Variants in TBC1D30 observed in about 807,000 individuals in gnomAD.
TBC1D30 encodes TBC1 domain family, member 30.
A neutral mutation model predicts 63.2 loss-of-function variants in TBC1D30; 31 were observed. The ratio of observed to expected loss-of-function variants is 0.49; its 90% CI spans 0.37 to 0.66. TBC1D30 has a LOEUF of 0.66. Among genes scored for constraint, TBC1D30 ranks in the 30% least tolerant of loss-of-function variants. The pLI, the probability that TBC1D30 is intolerant of heterozygous loss-of-function variation, is 0.00. For missense variants in TBC1D30, 810 were observed against 953.6 expected (o/e 0.85, Z 1.98); for synonymous variants, 307 against 361.5 (o/e 0.85, Z 1.71).
chr12:64,771,705 C>G (rs546408960), intron 1 of TBC1D30, among the ~76,000 whole-genome samples: 1 of 152,272 alleles, frequency 6.6e-6, no homozygotes, highest in African/African-American at 2.4e-5. Flanking sequence ...TGGATGATAG[C>G]TGCAATCACT....
chr12:64,873,642 A>G (rs1156971141), intron 11 of TBC1D30, among the ~76,000 whole-genome samples: 1 of 152,178 alleles, frequency 6.6e-6, no homozygotes, highest in African/African-American at 2.4e-5. Context: ...CCTGAGAGCT[A>G]GAAGAGCCAA....
At chr12:64,784,293 CAG>C (rs1250149501) in intron 1 of TBC1D30, among the ~76,000 whole-genome samples, 1 of 152,052 alleles carries the variant, frequency 6.6e-6, no homozygotes, top group Non-Finnish European at 1.5e-5. Context: ...AAAAATCACT[CAG>C]AGAGTTGGCT....
intron 8 of TBC1D30, among the ~76,000 whole-genome samples, chr12:64,856,745 A>G (rs372166142): frequency 1.3e-5 from 2 of 152,064 alleles, no homozygotes; most frequent in South Asian, 2.1e-4. Flanking sequence ...TTGGAGTTAA[A>G]AACCTTAGAA....
At chr12:64,834,580 T>G (rs1467953915) in intron 5 of TBC1D30, among the ~76,000 whole-genome samples, 1 of 151,848 alleles carries the variant, frequency 6.6e-6, no homozygotes, top group Non-Finnish European at 1.5e-5. Flanking sequence ...CAAATTTTTA[T>G]ATTTTTAGTA....
chr12:64,858,840 C>T (rs1486853746), intron 8 of TBC1D30, among the ~76,000 whole-genome samples: 2 of 152,072 alleles, frequency 1.3e-5, no homozygotes, highest in African/African-American at 4.8e-5. Context: ...TCCTAGAGCA[C>T]AGTGTGGGGA....
chr12:64,771,932 G>C (rs74234977), intron 1 of TBC1D30, among the ~76,000 whole-genome samples: 2 of 152,098 alleles, frequency 1.3e-5, no homozygotes, highest in Admixed American at 6.6e-5. Context: ...GAGGTCTGGG[G>C]TTGTGGCACG....
At chr12:64,854,859 A>G (rs1030449917) in intron 8 of TBC1D30, among the ~76,000 whole-genome samples, 1 of 152,050 alleles carries the variant, frequency 6.6e-6, no homozygotes, top group African/African-American at 2.4e-5. Context: ...GTTATCCTAA[A>G]TTTGTGTTTT....
At chr12:64,856,225 C>T (rs1028722990) in intron 8 of TBC1D30, among the ~76,000 whole-genome samples, 2 of 152,142 alleles carry the variant, frequency 1.3e-5, no homozygotes, top group African/African-American at 4.8e-5. Context: ...GAACTCAGAG[C>T]AAGAGCTCAC....
rs1211801858 is a variant in TBC1D30 at position 64,879,644 on chromosome 12, A to G, written c.*3856A>G. The G allele has an allele frequency of 1.3e-5, 2 of 152,212 alleles. No individual in the cohort carries two copies. Among genetic ancestry groups the G allele is most frequent in the Non-Finnish European group, 2.9e-5 (2 of 68,044 alleles). 9.4% of individuals were successfully genotyped at this position (152,212 alleles called of 1,614,324 possible). A position where few individuals can be genotyped will look rare whatever the true frequency, so the allele number is the denominator to read the frequency against. ...TTAGAAGCAGTGATAATGAACACTC[A>G]TAACACCCATACCTCATTCCTGACT... On this transcript the variant is annotated 3_prime_UTR_variant, in exon 12 of 12. Coordinates refer to ENST00000539867, the MANE Select transcript of TBC1D30 (RefSeq NM_015279.2).
intron 2 of TBC1D30, among the ~76,000 whole-genome samples, chr12:64,810,210 A>G (rs1873126360): frequency 6.6e-6 from 1 of 152,140 alleles, no homozygotes; most frequent in African/African-American, 2.4e-5. Context: ...AACAGCCCAT[A>G]TTGGTGGGGG....
In TBC1D30 at chr12:64,784,640, A is replaced by C. The variant is rs570213065; in HGVS notation, c.479-1241A>C. Among the ~76,000 whole-genome samples, 82 of 151,510 alleles carry C rather than the reference A, an allele frequency of 5.4e-4. 1 individual carries two copies. The South Asian group carries it at 0.016, about 30-fold the overall frequency. ...AAAAAAAACCTCCTCCCAAATCGTA[A>C]TGATCATTTATATAAAGACAGTAGA... is the stretch of plus-strand genomic sequence containing the variant. On this transcript the variant is annotated intron_variant, in intron 1 of 12. Transcript: ENST00000542120.
chr12:64,824,792 C>A lies in TBC1D30; in HGVS notation c.-88C>A. 3 of 1,471,602 alleles carry A rather than the reference C, an allele frequency of 2.0e-6. No homozygotes were observed. The highest frequency in any genetic ancestry group is 1.8e-6 in the Non-Finnish European group (2 of 1,109,732). The allele number at this position is 1,471,602 out of a possible 1,614,324, so 91.2% of individuals were successfully genotyped here. ...CGGGCCGGTCAGCCGCAGACACTCACCCAGCTCCGCGAGCTCAGCCGCTCA... is the reference window on the plus strand; with the variant it reads ...CGGGCCGGTCAGCCGCAGACACTCAACCAGCTCCGCGAGCTCAGCCGCTCA... On this transcript the variant is annotated 5_prime_UTR_variant, in exon 1 of 12. Transcript: ENST00000539867.
intron 1 of TBC1D30, among the ~76,000 whole-genome samples, chr12:64,765,422 G>A (rs536360471): frequency 2.9e-3 from 409 of 141,768 alleles, no homozygotes; most frequent in African/African-American, 0.01. Flanking sequence ...CCGGGAGGTG[G>A]AGGTTGAAGT....
chr12:64,795,635 A>G (rs1009591612), intron 2 of TBC1D30, among the ~76,000 whole-genome samples: 1 of 151,094 alleles, frequency 6.6e-6, no homozygotes, highest in Non-Finnish European at 1.5e-5. Context: ...TTGGCTTTCT[A>G]GGATCCTCTG....
chr12:64,804,696 G>A (rs1754472983), intron 2 of TBC1D30, among the ~76,000 whole-genome samples: 1 of 152,140 alleles, frequency 6.6e-6, no homozygotes, highest in Non-Finnish European at 1.5e-5. Flanking sequence ...GTGGGAAAGG[G>A]GCACAAAATT....
intron 2 of TBC1D30, among the ~76,000 whole-genome samples, chr12:64,797,611 A>G (rs941510650): frequency 6.6e-6 from 1 of 151,962 alleles, no homozygotes; most frequent in Non-Finnish European, 1.5e-5. Flanking sequence ...ACAACCAGCA[A>G]TCCTATGATA....
rs1200673199 is a variant in TBC1D30, at chr12:64,795,704, CT to C, written c.643+9674del. Among the ~76,000 whole-genome samples the C allele has an allele frequency of 3.8e-3, 508 of 133,082 alleles. 6 individuals are homozygous for C. The highest frequency in any genetic ancestry group is 0.012 in the Middle Eastern group (3 of 260). 87.3% of individuals were successfully genotyped at this position (133,082 alleles called of 152,430 possible). A position where few individuals can be genotyped will look rare whatever the true frequency, so the allele number is the denominator to read the frequency against. ...AAATTCATTGCTGTTCTCCACGCTC[CT>C]TTTTTTTTTTTTTTGTCCTTCACTC... On this transcript the variant is annotated intron_variant, in intron 2 of 12. Transcript: ENST00000542120.
chr12:64,760,215 T>C (rs1465615265), intron 1 of TBC1D30, among the ~76,000 whole-genome samples: 2 of 152,160 alleles, frequency 1.3e-5, no homozygotes, highest in Non-Finnish European at 2.9e-5. Flanking sequence ...GGAATAGCCC[T>C]TGAAACTAGC....
chr12:64,841,662 C>T (rs1215581012), intron 7 of TBC1D30, among the ~76,000 whole-genome samples: 3 of 152,176 alleles, frequency 2.0e-5, no homozygotes, highest in Non-Finnish European at 4.4e-5. Flanking sequence ...GCTGGTTGTG[C>T]GGAGCTACTT....
Sources: gnomAD v4.1 joint callset for allele counts (sites outside exome capture counted in the v4.1 genomes callset) on GRCh38, gnomAD v4.1.1 for gene constraint, MANE v1.5 for transcripts, NCBI Gene and HGNC (gene_info 2026-07-23, HGNC 2026-07-21) for gene names.